Variants in TRAF3IP1 observed in about 807,000 individuals in gnomAD.
TRAF3IP1 encodes intraflagellar transport 54, also known as TRAF3-interacting protein 1.
Under a neutral mutation model 89.9 loss-of-function variants are expected in TRAF3IP1, and 53 were observed. That is an observed-to-expected ratio of 0.59 (90% CI 0.47 to 0.74). The LOEUF is 0.74. Among genes scored for constraint, TRAF3IP1 ranks in the 30% least tolerant of loss-of-function variants. TRAF3IP1 has a pLI of 0.00. For missense variants in TRAF3IP1, 806 were observed against 866.1 expected, an observed-to-expected ratio of 0.93 and a Z score of 0.87; for synonymous variants, 311 against 322.1, an observed-to-expected ratio of 0.97 and a Z score of 0.37.
chr2:238,349,392 G>T lies in TRAF3IP1; in HGVS notation c.1435G>T (p.Ala479Ser), dbSNP rs754461497. The change falls in exon 12 of 17, where the codon GCG becomes TCG. Residue 479 changes from alanine (A) to serine (S), a missense_variant. Coordinates refer to ENST00000373327, the MANE Select transcript of TRAF3IP1 (RefSeq NM_015650.4). ...PRVKRQDSMEALQMDRSGSGK... is the reference protein window; with the variant it reads ...PRVKRQDSMESLQMDRSGSGK... ...GGTCAAACGGCAAGACAGCATGGAG[G>T]CGCTACAAATGGATAGGTAAGGCTG... The T allele has an allele frequency of 6.2e-7, 1 of 1,614,116 alleles. No individual in the cohort carries two copies. The highest frequency in any genetic ancestry group is 1.1e-5 in the South Asian group (1 of 91,072).
Position 238,320,741 on chromosome 2 carries a change from C to G in TRAF3IP1, c.79C>G (p.Leu27Val). The part of the protein sequence containing the change: ...IRRPPLTEKL[L>V]SKPPFRYLHD... ...GAGGCCGCCGCTGACCGAGAAGCTG[C>G]TGAGCAAGCCCCCGTTCCGCTACCT... The change falls in exon 1 of 17, where the codon CTG becomes GTG. Residue 27 changes from leucine to valine, a missense_variant. Leu to Val is a conservative substitution (Grantham distance 32). Around this residue, in one of 3 missense-constraint regions of TRAF3IP1, gnomAD observed 732 missense variants for 780.5 expected, o/e 0.94. Coordinates refer to ENST00000373327, the MANE Select transcript of TRAF3IP1 (RefSeq NM_015650.4). 6.9e-7 allele frequency: 1 copy of G among 1,447,950 alleles called. No individual in the cohort carries two copies. Among genetic ancestry groups the G allele is most frequent in the Non-Finnish European group, 9.2e-7 (1 of 1,088,876 alleles). 89.7% of individuals were successfully genotyped at this position (1,447,950 alleles called of 1,614,324 possible).
chr2:238,378,403 C>T (rs920445652), intron 15 of TRAF3IP1, among the ~76,000 whole-genome samples: 7 of 152,202 alleles, frequency 4.6e-5, no homozygotes, highest in African/African-American at 7.2e-5. Flanking sequence ...CAGTCAGAAA[C>T]GAATGACAAG....
intron 8 of TRAF3IP1, among the ~76,000 whole-genome samples, chr2:238,339,128 G>C (rs1263506871): frequency 6.6e-6 from 1 of 152,230 alleles, no homozygotes; most frequent in East Asian, 1.9e-4. Flanking sequence ...ACACGTTCTG[G>C]AGCGTAGCTG....
chr2:238,320,841 G>A (rs1270939356), intron 1 of TRAF3IP1, 56 bp downstream of exon 1: 9 of 1,314,144 alleles, frequency 6.8e-6, no homozygotes, highest in Non-Finnish European at 8.9e-6. Context: ...GGTGGGCGCC[G>A]AGGTCAGGGC....
intron 5 of TRAF3IP1, among the ~76,000 whole-genome samples, chr2:238,331,771 T>A (rs751083602): frequency 6.6e-6 from 1 of 152,320 alleles, no homozygotes; most frequent in South Asian, 2.1e-4. Flanking sequence ...TGTGAGCTGC[T>A]GTGAGGCGCC....
At position 238,329,051 on chromosome 2, in the gene TRAF3IP1, C is replaced by A; in HGVS notation, c.624C>A (p.Gly208=). The A allele has an allele frequency of 6.4e-7, 1 of 1,551,118 alleles. No individual in the cohort carries two copies. Among genetic ancestry groups the A allele is most frequent in the Non-Finnish European group, 8.7e-7 (1 of 1,146,916 alleles). The change falls in exon 5 of 17, where the codon GGC becomes GGA. Residue 208 remains glycine (G), a synonymous_variant. Transcript: ENST00000373327. ...DKDKEKAKEN[G]GNRHREGERE... is the part of the protein sequence containing the mutation. ...ACAAGGAGAAGGCCAAGGAGAATGG[C>A]GGAAACAGACACAGAGAAGGGGAGA...
In TRAF3IP1 at chr2:238,322,210, C is replaced by G. The variant is rs142777457; in HGVS notation, c.123+1425C>G. Among the ~76,000 whole-genome samples the G allele has an allele frequency of 4.9e-3, 754 of 152,378 alleles. 5 individuals carry two copies. Among genetic ancestry groups the G allele is most frequent in the Non-Finnish European group, 8.0e-3 (543 of 68,038 alleles). On this transcript the variant is annotated intron_variant, in intron 1 of 16. Transcript: ENST00000373327. ...GAACAAGAGCCAGTGTGAGCCCAGCCCACTCTAGCTGTGGCTGCCAAAACC... is the reference window on the plus strand; with the variant it reads ...GAACAAGAGCCAGTGTGAGCCCAGCGCACTCTAGCTGTGGCTGCCAAAACC...
At position 238,328,748 on chromosome 2, in the gene TRAF3IP1, G is replaced by A. The variant is rs776752234; in HGVS notation, c.417G>A (p.Arg139=). The stretch of plus-strand genomic sequence containing the variant: ...GAGAGAAGGGAGAAGTGAAAGGCCG[G>A]GCCTCACTGACCTCAAGATCTCAGG... ...LAGEKGEVKG[R]ASLTSRSQEL... is the part of the protein sequence containing the mutation. Residue 139 remains arginine, a synonymous_variant, in exon 4 of 17, where the codon CGG becomes CGA. Coordinates refer to ENST00000373327, the MANE Select transcript of TRAF3IP1 (RefSeq NM_015650.4). The A allele has an allele frequency of 1.1e-5, 17 of 1,613,786 alleles. No homozygotes were observed. The East Asian group carries it at 3.6e-4, about 34-fold the overall frequency.
At chr2:238,382,244 T>G (rs1481294729) in intron 15 of TRAF3IP1, among the ~76,000 whole-genome samples, 1 of 152,064 alleles carries the variant, frequency 6.6e-6, no homozygotes, top group Admixed American at 6.5e-5. Flanking sequence ...ATGGAAGACC[T>G]GAGTATGCAG....
At chr2:238,387,269 A>G (rs1376532937) in intron 15 of TRAF3IP1, among the ~76,000 whole-genome samples, 1 of 152,210 alleles carries the variant, frequency 6.6e-6, no homozygotes, top group Non-Finnish European at 1.5e-5. Context: ...GTGTAAGTAG[A>G]TGTAAGTAAT....
intron 15 of TRAF3IP1, among the ~76,000 whole-genome samples, chr2:238,384,072 C>A (rs540066996): frequency 6.6e-6 from 1 of 152,112 alleles, no homozygotes; most frequent in Admixed American, 6.6e-5. Context: ...GCAGGGCCCC[C>A]CCCATCTGGA....
At chr2:238,356,524 T>A (rs903825457) in intron 15 of TRAF3IP1, among the ~76,000 whole-genome samples, 2 of 151,898 alleles carry the variant, frequency 1.3e-5, no homozygotes, top group African/African-American at 4.8e-5. Flanking sequence ...CATTCCTCCC[T>A]CCTCCCAGTT....
At chr2:238,326,093 G>A (rs531501985) in intron 3 of TRAF3IP1, 123 bp downstream of exon 3, 1 of 918,780 alleles carries the variant, frequency 1.1e-6, no homozygotes, top group Non-Finnish European at 1.6e-6. Context: ...GTCAAACACT[G>A]TGCTTTGAAT....
At chr2:238,353,920 T>A (rs1699291362) in intron 14 of TRAF3IP1, among the ~76,000 whole-genome samples, 1 of 152,146 alleles carries the variant, frequency 6.6e-6, no homozygotes, top group Non-Finnish European at 1.5e-5. Context: ...ACTACAGGCG[T>A]GCACCACTAT....
At position 238,351,211 on chromosome 2, in the gene TRAF3IP1, G is replaced by C. The variant is rs67414169; in HGVS notation, c.1452-1616G>C. 0.12 allele frequency among the ~76,000 whole-genome samples: 17,693 copies of C among 151,976 alleles called. 1,759 individuals are homozygous for C. Among genetic ancestry groups the C allele is most frequent in the African/African-American group, 0.27 (11,082 of 41,350 alleles). On this transcript the variant is annotated intron_variant, in intron 12 of 16. Transcript: ENST00000373327. This position sits in a 1 kb window ranked among gnomAD's most constrained non-coding sequence, Gnocchi z 5.2. Reference sequence around the variant, plus strand: ...ATCCCAGCAGGGTTCAGGGACCCAAGGCCAGGATTTTGGAAGGATCATTTC... The same window carrying C: ...ATCCCAGCAGGGTTCAGGGACCCAACGCCAGGATTTTGGAAGGATCATTTC...
rs575747204 is a variant in TRAF3IP1, at chr2:238,327,527, G to A, written c.355-1159G>A. Among the ~76,000 whole-genome samples, 18 of 152,280 alleles carry A rather than the reference G, an allele frequency of 1.2e-4. No homozygotes were observed. In the South Asian group the frequency reaches 2.1e-3, roughly 18 times the overall value. On this transcript the variant is annotated intron_variant, in intron 3 of 16. Coordinates refer to ENST00000373327, the MANE Select transcript of TRAF3IP1 (RefSeq NM_015650.4). Reference sequence around the variant, plus strand: ...GGGATGCTGGAGAAGGAATTTTTGCGTTTGATGGGGCTTGAATCAGATCAG... The same window carrying A: ...GGGATGCTGGAGAAGGAATTTTTGCATTTGATGGGGCTTGAATCAGATCAG...
intron 15 of TRAF3IP1, among the ~76,000 whole-genome samples, chr2:238,388,331 C>T (rs1287243024): frequency 2.7e-5 from 4 of 148,796 alleles, no homozygotes; most frequent in African/African-American, 4.9e-5. Context: ...GCTGAGATCG[C>T]GCCACTGCAC....
At chr2:238,383,195 C>T (rs547671035) in intron 15 of TRAF3IP1, among the ~76,000 whole-genome samples, 82 of 152,322 alleles carry the variant, frequency 5.4e-4, no homozygotes, top group African/African-American at 1.9e-3. Flanking sequence ...CAGGCAGTCT[C>T]CTACCACCCA....
At chr2:238,334,092 T>TTG in intron 7 of TRAF3IP1, 57 bp downstream of exon 7, 2 of 1,379,362 alleles carry the variant, frequency 1.4e-6, no homozygotes, top group Admixed American at 2.1e-5. Flanking sequence ...TTTTTTTTTT[T>TTG]GTCTTAATCT....
Sources: allele counts gnomAD v4.1 joint callset (sites outside exome capture counted in the v4.1 genomes callset), GRCh38; gene constraint gnomAD v4.1.1; regional missense constraint gnomAD v4.1.1; non-coding constraint Gnocchi (gnomAD v3.1); transcripts MANE v1.5; gene names NCBI Gene and HGNC (gene_info 2026-07-23, HGNC 2026-07-21).